Variants in RANBP3 observed in about 807,000 individuals in gnomAD.
The protein encoded by RANBP3 is RAN binding protein 3.
In RANBP3, 14 loss-of-function variants were observed where a neutral mutation model predicts 77.3. The ratio of observed to expected loss-of-function variants is 0.18; its 90% CI spans 0.12 to 0.28. RANBP3 has a LOEUF of 0.28. Among genes scored for constraint, RANBP3 ranks in the 10% least tolerant of loss-of-function variants. The pLI, the probability that RANBP3 is intolerant of heterozygous loss-of-function variation, is 1.00. For missense variants in RANBP3, 586 were observed against 752.3 expected (o/e 0.78, Z 2.59); for synonymous variants, 315 against 312.4 (o/e 1.01, Z -0.09).
rs184956136 is a variant in RANBP3 at position 5,958,700 on chromosome 19, G to A, written c.23-727C>T. On this transcript the variant is annotated intron_variant, in intron 1 of 16. Coordinates refer to ENST00000340578, the MANE Select transcript of RANBP3 (RefSeq NM_007322.3). This position sits in a 1 kb window ranked among gnomAD's most constrained non-coding sequence, Gnocchi z 4.4. ...GGCAGCCCAGGAGGCCCTGCTGCCC[G>A]CACAGGAAGCACAGATGAGGACTGC... Among the ~76,000 whole-genome samples the A allele has an allele frequency of 3.3e-4, 50 of 152,342 alleles. No individual in the cohort carries two copies. The highest frequency in any genetic ancestry group is 1.1e-3 in the Admixed American group (17 of 15,308).
Position 5,917,842 on chromosome 19 carries a change from C to T in RANBP3, c.1612G>A (p.Asp538Asn), listed in dbSNP as rs374976918. The T allele has an allele frequency of 7.3e-5, 117 of 1,612,606 alleles. No homozygotes were observed. The highest frequency in any genetic ancestry group is 7.2e-4 in the Admixed American group (43 of 59,958). Residue 538 changes from aspartate (D) to asparagine (N), a missense_variant, in exon 16 of 17, where the codon GAC becomes AAC. By Grantham distance (23) the Asp-to-Asn change is conservative (BLOSUM62 1). Transcript: ENST00000340578. ...PGAAPSNEED[D>N]SDDDDVLAPS... ...GCCAGGACATCGTCATCGTCGCTGT[C>T]GTCCTCCTCGTTGGATGGGGCTGCC...
At chr19:5,922,274 C>A (rs373574732) in intron 13 of RANBP3, among the ~76,000 whole-genome samples, 3 of 152,326 alleles carry the variant, frequency 2.0e-5, no homozygotes, top group Non-Finnish European at 2.9e-5. Context: ...GAGACAGACA[C>A]CCCTACATGG....
intron 8 of RANBP3, among the ~76,000 whole-genome samples, chr19:5,930,407 G>C (rs963053939): frequency 3.3e-5 from 5 of 152,148 alleles, no homozygotes; most frequent in African/African-American, 1.2e-4. Context: ...ATCCAATCTG[G>C]CTTTTACACA....
At chr19:5,957,809 C>T (rs1169451324) in intron 2 of RANBP3, 109 bp downstream of exon 2, 11 of 1,191,578 alleles carry the variant, frequency 9.2e-6, no homozygotes, top group African/African-American at 3.1e-5. Context: ...TAGGTCTCCC[C>T]GTCTGTGGGC....
In RANBP3 at chr19:5,941,649, A is replaced by G; in HGVS notation, c.378T>C (p.Ser126=). 1 of 1,613,796 alleles carries G rather than the reference A, an allele frequency of 6.2e-7. No homozygotes were observed. Among genetic ancestry groups the G allele is most frequent in the South Asian group, 1.1e-5 (1 of 91,060 alleles). ...CPPVKRERTS[S]LTQFPPSQSE... ...ACTGTGAGGGTGGGAACTGGGTTAAAGAGGATGTTCTTTCTCGCTTGACAG... is the reference window on the plus strand; with the variant it reads ...ACTGTGAGGGTGGGAACTGGGTTAAGGAGGATGTTCTTTCTCGCTTGACAG... Residue 126 remains serine, a synonymous_variant, in exon 5 of 17, where the codon TCT becomes TCC. Coordinates refer to ENST00000340578, the MANE Select transcript of RANBP3 (RefSeq NM_007322.3).
intron 12 of RANBP3, among the ~76,000 whole-genome samples, 173 bp from the exon 13 acceptor site, chr19:5,923,476 C>T (rs1355192003): frequency 6.6e-6 from 1 of 152,152 alleles, no homozygotes; most frequent in Admixed American, 6.5e-5. Flanking sequence ...AGCATATGGC[C>T]TCAGAAGCTG....
chr19:5,937,605 T>C lies in RANBP3; in HGVS notation c.406+4016A>G, dbSNP rs117047561. Among the ~76,000 whole-genome samples the C allele has an allele frequency of 2.6e-5, 4 of 152,316 alleles. No homozygotes were observed. In the East Asian group the frequency reaches 7.7e-4, roughly 29 times the overall value. ...AGGGACAGAGAAATTCTTCTGTAAG[T>C]GTTAAAGCTTTTCAAAATTAAAGCT... On this transcript the variant is annotated intron_variant, in intron 5 of 16. Coordinates refer to ENST00000340578, the MANE Select transcript of RANBP3 (RefSeq NM_007322.3).
chr19:5,932,562 C>T lies in RANBP3; in HGVS notation c.473-18G>A, dbSNP rs1339245372. The T allele has an allele frequency of 1.2e-6, 2 of 1,609,508 alleles. No individual in the cohort carries two copies. Among genetic ancestry groups the T allele is most frequent in the Non-Finnish European group, 1.7e-6 (2 of 1,176,800 alleles). On this transcript the variant is annotated intron_variant, in intron 6 of 16. Coordinates refer to ENST00000340578, the MANE Select transcript of RANBP3 (RefSeq NM_007322.3). ...TGGCAGACCTAGGAACAGAAGGCGG[C>T]CTTCCCAGTGCCCGTGGACCCCTGC...
At chr19:5,966,550 C>T (rs2058470104) in intron 1 of RANBP3, among the ~76,000 whole-genome samples, 1 of 152,268 alleles carries the variant, frequency 6.6e-6, no homozygotes, top group African/African-American at 2.4e-5. Flanking sequence ...TATAAACTTT[C>T]TTTCCTCACT....
intron 14 of RANBP3, 107 bp from the exon 15 acceptor site, chr19:5,918,745 A>G: frequency 7.2e-7 from 1 of 1,393,312 alleles, no homozygotes; most frequent in South Asian, 1.3e-5. Flanking sequence ...TCACCGCGCA[A>G]AAGCCCATGA....
chr19:5,974,004 CA>C (rs2058559404), intron 1 of RANBP3, among the ~76,000 whole-genome samples: 2 of 152,182 alleles, frequency 1.3e-5, no homozygotes, highest in African/African-American at 4.8e-5. Context: ...GTGAGTCTCT[CA>C]CCTGGGGGCG....
At position 5,938,770 on chromosome 19, in the gene RANBP3, G is replaced by C. The variant is rs74394379; in HGVS notation, c.406+2851C>G. Among the ~76,000 whole-genome samples the C allele has an allele frequency of 5.9e-4, 90 of 152,250 alleles. 1 individual carries two copies. In the East Asian group the frequency reaches 0.014, roughly 24 times the overall value. ...GTCTGAGCAAAATTAATGTGAGAAT[G>C]CACAAAAAAGAGGTCTAGAAATTCA... On this transcript the variant is annotated intron_variant, in intron 5 of 16. Coordinates refer to ENST00000340578, the MANE Select transcript of RANBP3 (RefSeq NM_007322.3).
Position 5,917,899 on chromosome 19 carries a change from G to A in RANBP3, c.1555C>T (p.Gln519Ter). 1 of 1,612,958 alleles carries A rather than the reference G, an allele frequency of 6.2e-7. No homozygotes were observed. Among genetic ancestry groups the A allele is most frequent in the Non-Finnish European group, 8.5e-7 (1 of 1,179,934 alleles). ...LALRSRVEQE[Q>*]EAKMPAPEPG... The stretch of plus-strand genomic sequence containing the variant: ...TCAGGCGCGGGCATCTTGGCCTCCT[G>A]CTCCTGCTCCACGCGGCTGCGCAGG... The change falls in exon 16 of 17, where the codon CAG (glutamine) becomes TAG (stop). Residue 519 changes from glutamine to a stop codon, truncating the protein, a stop_gained. Transcript: ENST00000340578. LOFTEE classifies it high-confidence loss of function.
At chr19:5,977,478 G>A (rs1259719020) in intron 1 of RANBP3, among the ~76,000 whole-genome samples, 1 of 152,100 alleles carries the variant, frequency 6.6e-6, no homozygotes, top group Non-Finnish European at 1.5e-5. Flanking sequence ...GAGACGAAGC[G>A]CCCCGAAGGA....
chr19:5,918,737 A>G, intron 14 of RANBP3, 99 bp from the exon 15 acceptor site: 1 of 1,444,346 alleles, frequency 6.9e-7, no homozygotes, highest in Non-Finnish European at 9.4e-7. Context: ...AAGCGACATC[A>G]CCGCGCAAAA....
At chr19:5,977,960 C>T in intron 1 of RANBP3, 101 bp downstream of exon 1, 2 of 1,493,802 alleles carry the variant, frequency 1.3e-6, no homozygotes, top group South Asian at 1.2e-5. Context: ...GCGGACGAAA[C>T]CCTTGCACTC....
At chr19:5,918,851 C>A (rs572838270) in intron 14 of RANBP3, among the ~76,000 whole-genome samples, 31 of 152,280 alleles carry the variant, frequency 2.0e-4, no homozygotes, top group Middle Eastern at 3.4e-3. Flanking sequence ...CAAGCCTGGA[C>A]CACTGAAGGC....
chr19:5,917,691 C>T (rs763973135), intron 16 of RANBP3, 38 bp from the exon 17 acceptor site: 12 of 1,599,526 alleles, frequency 7.5e-6, no homozygotes, highest in African/African-American at 2.7e-5. Context: ...GGATGGAGCC[C>T]GCACTTCCCA....
chr19:5,925,754 G>C lies in RANBP3; in HGVS notation c.814-17C>G. ...ATTTATCAGCTGGGAATGAGACGGAGCGCTCAGTAATCGGGGGTGGGGGGG... is the reference window on the plus strand; with the variant it reads ...ATTTATCAGCTGGGAATGAGACGGACCGCTCAGTAATCGGGGGTGGGGGGG... On this transcript the variant is annotated splice_polypyrimidine_tract_variant and intron_variant, in intron 9 of 16. Coordinates refer to ENST00000340578, the MANE Select transcript of RANBP3 (RefSeq NM_007322.3). The C allele has an allele frequency of 6.2e-7, 1 of 1,609,740 alleles. No individual in the cohort carries two copies. Among genetic ancestry groups the C allele is most frequent in the Non-Finnish European group, 8.5e-7 (1 of 1,176,264 alleles).
Sources: allele counts gnomAD v4.1 joint callset (sites outside exome capture counted in the v4.1 genomes callset), GRCh38; gene constraint gnomAD v4.1.1; non-coding constraint Gnocchi (gnomAD v3.1); transcripts MANE v1.5; gene names NCBI Gene and HGNC (gene_info 2026-07-23, HGNC 2026-07-21).